The following GCM1 variants were observed in gnomAD, a reference collection of about 807,000 sequenced individuals.
The protein encoded by GCM1 is GCM transcription factor 1, also known as chorion-specific transcription factor GCMa.
A neutral mutation model predicts 25.7 loss-of-function variants in GCM1; 2 were observed. The ratio of observed to expected loss-of-function variants is 0.08; its 90% CI spans 0.03 to 0.24. GCM1 has a LOEUF of 0.24. Ranked by LOEUF, GCM1 falls within the 10% of genes least tolerant of loss-of-function variation. The pLI is 1.00. For missense variants in GCM1, 395 were observed against 538.7 expected, an observed-to-expected ratio of 0.73 and a Z score of 2.64; for synonymous variants, 183 against 195.7, an observed-to-expected ratio of 0.94 and a Z score of 0.54.
chr6:53,139,911 A>G (rs995479614), intron 2 of GCM1, among the ~76,000 whole-genome samples: 1 of 152,140 alleles, frequency 6.6e-6, no homozygotes, highest in Non-Finnish European at 1.5e-5. Flanking sequence ...TTCCTTATTT[A>G]CTCTGAAAAC....
At chr6:53,135,667 G>C (rs1033217406) in intron 2 of GCM1, among the ~76,000 whole-genome samples, 5 of 152,158 alleles carry the variant, frequency 3.3e-5, no homozygotes, top group African/African-American at 1.2e-4. Context: ...CAGAGACTTA[G>C]CATGGTGTAA....
chr6:53,147,425 G>GTTTTTTTTTTTT (rs70980807), intron 1 of GCM1, among the ~76,000 whole-genome samples: 1 of 93,574 alleles, frequency 1.1e-5, no homozygotes, highest in Non-Finnish European at 2.1e-5. Flanking sequence ...AGTTTTTATT[G>GTTTTTTTTTTTT]TTTTTTTTTT....
chr6:53,127,273 T>C lies in GCM1; in HGVS notation c.*933A>G, dbSNP rs1763653885. 6.6e-6 allele frequency: 1 copy of C among 152,228 alleles called. No homozygotes were observed. Among genetic ancestry groups the C allele is most frequent in the Non-Finnish European group, 1.5e-5 (1 of 68,044 alleles). 9.4% of individuals were successfully genotyped at this position (152,228 alleles called of 1,614,324 possible). On this transcript the variant is annotated 3_prime_UTR_variant, in exon 6 of 6. Transcript: ENST00000259803. ...CGCACATCACTAGTGTTTCTCTTCA[T>C]ATGGCAATTTAACATTGCTGTTCTT...
intron 5 of GCM1, 133 bp downstream of exon 5, chr6:53,130,670 T>G (rs1296765003): frequency 1.5e-6 from 1 of 650,222 alleles, no homozygotes; most frequent in Admixed American, 3.1e-5. Flanking sequence ...TAGCAGATGC[T>G]TGTTTGTAGA....
rs1763677453 is a variant in GCM1, at chr6:53,128,497, C to T, written c.1020G>A (p.Gln340=). The change falls in exon 6 of 6, where the codon CAG becomes CAA. Residue 340 remains glutamine, a synonymous_variant. Transcript: ENST00000259803. ...SQNSSEPFYQ[Q]LPLEPPAAKT... ...TGGCTGCAGGTGGCTCCAATGGAAG[C>T]TGCTGGTAAAAGGGTTCTGAAGAGT... 1 of 1,614,092 alleles carries T rather than the reference C, an allele frequency of 6.2e-7. No homozygotes were observed. The highest frequency in any genetic ancestry group is 8.5e-7 in the Non-Finnish European group (1 of 1,179,996).
At chr6:53,147,138 C>T (rs917992090) in intron 1 of GCM1, among the ~76,000 whole-genome samples, 1 of 151,952 alleles carries the variant, frequency 6.6e-6, no homozygotes, top group African/African-American at 2.4e-5. Flanking sequence ...GCTCTAATTT[C>T]TAACTATAAT....
At chr6:53,147,931 A>G (rs1268447308) in intron 1 of GCM1, among the ~76,000 whole-genome samples, 2 of 152,166 alleles carry the variant, frequency 1.3e-5, no homozygotes, top group Non-Finnish European at 2.9e-5. Flanking sequence ...TATAGTCTTT[A>G]TAAATAAAGT....
At position 53,146,694 on chromosome 6, in the gene GCM1, T is replaced by G. The variant is rs1049642427; in HGVS notation, c.-136-926A>C. Among the ~76,000 whole-genome samples, 19 of 152,276 alleles carry G rather than the reference T, an allele frequency of 1.2e-4. 1 individual carries two copies. Among genetic ancestry groups the G allele is most frequent in the African/African-American group, 4.6e-4 (19 of 41,554 alleles). Reference sequence around the variant, plus strand: ...CTATTGACATTTTGGACCAGATAATTCTTTGTTGTGGGGAGCTTTTTTCAT... The same window carrying G: ...CTATTGACATTTTGGACCAGATAATGCTTTGTTGTGGGGAGCTTTTTTCAT... On this transcript the variant is annotated intron_variant, in intron 1 of 5. Coordinates refer to ENST00000259803, the MANE Select transcript of GCM1 (RefSeq NM_003643.4).
intron 2 of GCM1, among the ~76,000 whole-genome samples, chr6:53,144,421 TAAA>T (rs766498725): frequency 8.3e-6 from 1 of 121,126 alleles, no homozygotes; most frequent in Admixed American, 8.5e-5. Context: ...CAAACCCATC[TAAA>T]AAAAAAAAAA....
At chr6:53,137,333 G>A (rs542250782) in intron 2 of GCM1, among the ~76,000 whole-genome samples, 6 of 152,156 alleles carry the variant, frequency 3.9e-5, no homozygotes, top group Non-Finnish European at 7.3e-5. Context: ...CAGGCAGCAT[G>A]CCTCCTGCTC....
rs1242886383 is a variant in GCM1, at chr6:53,134,343, A to G, written c.76-19T>C. The G allele has an allele frequency of 1.2e-6, 2 of 1,607,898 alleles. No individual in the cohort carries two copies. Among genetic ancestry groups the G allele is most frequent in the African/African-American group, 1.3e-5 (1 of 74,738 alleles). ...TCACGTTCTGATAGAAACACAAAAGATACGACTATACTTTAAGCTAGAAAA... is the reference window on the plus strand; with the variant it reads ...TCACGTTCTGATAGAAACACAAAAGGTACGACTATACTTTAAGCTAGAAAA... On this transcript the variant is annotated intron_variant, in intron 2 of 5. Coordinates refer to ENST00000259803, the MANE Select transcript of GCM1 (RefSeq NM_003643.4).
At chr6:53,148,332 A>G (rs1303510318) in intron 1 of GCM1, among the ~76,000 whole-genome samples, 1 of 152,250 alleles carries the variant, frequency 6.6e-6, no homozygotes. Flanking sequence ...TCAAAAATCA[A>G]AAACATTGTT....
chr6:53,134,973 T>C (rs1362996944), intron 2 of GCM1, among the ~76,000 whole-genome samples: 2 of 152,230 alleles, frequency 1.3e-5, no homozygotes, highest in South Asian at 2.1e-4. Context: ...AGCCACTTTC[T>C]TCCCCAGAGA....
At position 53,148,786 on chromosome 6, in the gene GCM1, T is replaced by TTCTCC. The variant is rs1764002464; in HGVS notation, c.-170_-169insGGAGA. 6.6e-6 allele frequency: 1 copy of TTCTCC among 152,204 alleles called. No homozygotes were observed. Among genetic ancestry groups the TTCTCC allele is most frequent in the Non-Finnish European group, 1.5e-5 (1 of 68,038 alleles). 9.4% of individuals were successfully genotyped at this position (152,204 alleles called of 1,614,324 possible). A position where few individuals can be genotyped will look rare whatever the true frequency, so the allele number is the denominator to read the frequency against. ...CTTCTTACGGAGAAGCAGACAGCAC[T>TTCTCC]GTGTCGTGAAAATCTTACTGCTGGT... On this transcript the variant is annotated 5_prime_UTR_variant, in exon 1 of 6. Coordinates refer to ENST00000259803, the MANE Select transcript of GCM1 (RefSeq NM_003643.4).
intron 2 of GCM1, among the ~76,000 whole-genome samples, chr6:53,140,227 C>T (rs1176752356): frequency 6.6e-6 from 1 of 152,170 alleles, no homozygotes; most frequent in Non-Finnish European, 1.5e-5. Context: ...AGAACAATGA[C>T]AACGTGACCT....
At chr6:53,139,536 C>T (rs1366685921) in intron 2 of GCM1, among the ~76,000 whole-genome samples, 2 of 148,524 alleles carry the variant, frequency 1.3e-5, no homozygotes, top group East Asian at 2.0e-4. Context: ...ACTGATTACT[C>T]TTTAGACTAA....
chr6:53,132,830 C>G (rs1431763087), intron 3 of GCM1, among the ~76,000 whole-genome samples: 1 of 152,146 alleles, frequency 6.6e-6, no homozygotes, highest in African/African-American at 2.4e-5. Flanking sequence ...TGACTGATAC[C>G]AGGTCCTGAC....
At position 53,128,751 on chromosome 6, in the gene GCM1, T is replaced by G; in HGVS notation, c.766A>C (p.Thr256Pro). 1 of 1,613,778 alleles carries G rather than the reference T, an allele frequency of 6.2e-7. No homozygotes were observed. The highest frequency in any genetic ancestry group is 1.1e-5 in the South Asian group (1 of 91,060). ...GITDLTDQTS[T>P]VDPMKLYEKR... ...TCATAGAGCTTCATGGGGTCCACAG[T>G]GGAAGTCTGGTCAGTCAGATCTGTG... Residue 256 changes from threonine to proline, a missense_variant, in exon 6 of 6, where the codon ACT (threonine) becomes CCT (proline). Thr to Pro is a conservative substitution (Grantham distance 38). Transcript: ENST00000259803.
At chr6:53,131,057 C>T in intron 4 of GCM1, 126 bp from the exon 5 acceptor site, 2 of 857,448 alleles carry the variant, frequency 2.3e-6, no homozygotes, top group Non-Finnish European at 3.7e-6. Flanking sequence ...CCTATGGTAA[C>T]CAGACTGGAT....
Sources: gnomAD v4.1 joint callset for allele counts (sites outside exome capture counted in the v4.1 genomes callset) on GRCh38, gnomAD v4.1.1 for gene constraint, MANE v1.5 for transcripts, NCBI Gene and HGNC (gene_info 2026-07-23, HGNC 2026-07-21) for gene names.